NUP93: variants seen among roughly 807,000 people sequenced by gnomAD.
NUP93 encodes the protein nucleoporin 93.
In NUP93, 55 loss-of-function variants were observed where a neutral mutation model predicts 107.8. The observed-to-expected ratio is 0.51, with a 90% CI of 0.41 to 0.64. The LOEUF is 0.64. Among genes scored for constraint, NUP93 ranks in the 30% least tolerant of loss-of-function variants. The probability of loss-of-function intolerance (pLI) is 0.00; values close to 1 mark genes in which losing one functional copy is unlikely to be tolerated. For synonymous variants in NUP93, 390 were observed against 397.5 expected (o/e 0.98, Z 0.22); for missense variants, 937 against 1,044.7 (o/e 0.90, Z 1.42).
At chr16:56,734,951 C>G (rs1372062784) in intron 1 of NUP93, among the ~76,000 whole-genome samples, 1 of 152,188 alleles carries the variant, frequency 6.6e-6, no homozygotes, top group Non-Finnish European at 1.5e-5. Context: ...ACGGCTGTTG[C>G]CCTGCTGAAA....
chr16:56,755,611 C>T (rs1353185616), intron 2 of NUP93, among the ~76,000 whole-genome samples: 1 of 152,154 alleles, frequency 6.6e-6, no homozygotes, highest in East Asian at 1.9e-4. Context: ...CATGGTCGCT[C>T]ACGCCTGTAA....
intron 3 of NUP93, among the ~76,000 whole-genome samples, chr16:56,795,546 C>T (rs1323336484): frequency 6.6e-6 from 1 of 152,208 alleles, no homozygotes; most frequent in African/African-American, 2.4e-5. Context: ...TGCCATTCGC[C>T]ATCCTACCCC....
chr16:56,739,501 G>C, intron 1 of NUP93, among the ~76,000 whole-genome samples: 1 of 110,154 alleles, frequency 9.1e-6, no homozygotes, highest in Non-Finnish European at 1.9e-5. Flanking sequence ...CTCCCGGACG[G>C]GGCGGCTGGC....
chr16:56,731,255 G>T (rs931122067), intron 1 of NUP93, among the ~76,000 whole-genome samples: 3 of 152,026 alleles, frequency 2.0e-5, no homozygotes, highest in Non-Finnish European at 2.9e-5. Flanking sequence ...AATTAAACAT[G>T]CCAAGAGAGG....
intron 1 of NUP93, among the ~76,000 whole-genome samples, chr16:56,744,775 A>G (rs1961794851): frequency 6.6e-6 from 1 of 152,212 alleles, no homozygotes; most frequent in Admixed American, 6.5e-5. Context: ...AATTCATGCC[A>G]TTTAGACTGT....
rs1250337942 is a variant in NUP93 at position 56,847,440 on chromosome 16, G to A, written c.*2831G>A. 1 of 152,184 alleles carries A rather than the reference G, an allele frequency of 6.6e-6. No individual in the cohort carries two copies. The highest frequency in any genetic ancestry group is 1.9e-4 in the East Asian group (1 of 5,204). 9.4% of individuals were successfully genotyped at this position (152,184 alleles called of 1,614,324 possible). A position where few individuals can be genotyped will look rare whatever the true frequency, so the allele number is the denominator to read the frequency against. ...GAGAAACTAAGAGAAAGTGGCACTA[G>A]GCGTCTTGTCTTCCAGATGTGAGAT... On this transcript the variant is annotated 3_prime_UTR_variant, in exon 22 of 22. Coordinates refer to ENST00000308159, the MANE Select transcript of NUP93 (RefSeq NM_014669.5).
chr16:56,768,744 G>A (rs1348349352), intron 3 of NUP93, among the ~76,000 whole-genome samples: 5 of 151,364 alleles, frequency 3.3e-5, no homozygotes, highest in Non-Finnish European at 7.4e-5. Flanking sequence ...GCGGGCGCCT[G>A]TAGTCCCAGC....
chr16:56,755,471 G>A, intron 2 of NUP93, among the ~76,000 whole-genome samples: 1 of 150,606 alleles, frequency 6.6e-6, no homozygotes, highest in Non-Finnish European at 1.5e-5. Context: ...GGAGGTTTGG[G>A]GGGAAATGGG....
At chr16:56,757,943 A>T (rs1962054837) in intron 2 of NUP93, among the ~76,000 whole-genome samples, 1 of 152,102 alleles carries the variant, frequency 6.6e-6, no homozygotes, top group African/African-American at 2.4e-5. Flanking sequence ...GATGGTGGTT[A>T]AGAGTTGTGC....
At position 56,848,855 on chromosome 16, in the gene NUP93, T is replaced by C. The variant is rs1248363553; in HGVS notation, c.*4246T>C. 2.6e-5 allele frequency: 4 copies of C among 152,254 alleles called. No individual in the cohort carries two copies. The highest frequency in any genetic ancestry group is 5.9e-5 in the Non-Finnish European group (4 of 68,042). 9.4% of individuals were successfully genotyped at this position (152,254 alleles called of 1,614,324 possible). A position where few individuals can be genotyped will look rare whatever the true frequency, so the allele number is the denominator to read the frequency against. On this transcript the variant is annotated 3_prime_UTR_variant, in exon 22 of 22. Coordinates refer to ENST00000308159, the MANE Select transcript of NUP93 (RefSeq NM_014669.5). ...TTAAGCACTGATTTGTTCCCAGAGT[T>C]GTGCATAATTCTTTAAAAGTAGGCT... is the stretch of plus-strand genomic sequence containing the variant.
intron 21 of NUP93, among the ~76,000 whole-genome samples, chr16:56,842,077 A>G (rs1322123072): frequency 1.3e-5 from 2 of 152,224 alleles, no homozygotes; most frequent in Non-Finnish European, 2.9e-5. Context: ...TAACAAATCA[A>G]ACAGAATGCT....
intron 3 of NUP93, among the ~76,000 whole-genome samples, chr16:56,763,991 G>C (rs1449372630): frequency 6.6e-6 from 1 of 152,122 alleles, no homozygotes; most frequent in Non-Finnish European, 1.5e-5. Context: ...ATTAGTGTTA[G>C]GGAAACTGAA....
rs998036845 is a variant in NUP93, at chr16:56,840,916, G to C, written c.2221-789G>C. ...AGAGGCTGAGGCACGAGAATCGCTT[G>C]AACCCGGGAAGCAAAGGTTGCAGTG... On this transcript the variant is annotated intron_variant, in intron 20 of 21. Transcript: ENST00000308159. Among the ~76,000 whole-genome samples the C allele has an allele frequency of 3.3e-5, 5 of 151,490 alleles. No individual in the cohort carries two copies. The South Asian group carries it at 1.0e-3, about 31-fold the overall frequency.
chr16:56,798,437 A>G, intron 3 of NUP93, 39 bp from the exon 4 acceptor site: 1 of 1,574,982 alleles, frequency 6.3e-7, no homozygotes. Flanking sequence ...ATTTTTTGAA[A>G]GTTAATTTTA....
chr16:56,734,071 G>A (rs1403910188), intron 1 of NUP93, among the ~76,000 whole-genome samples: 2 of 152,212 alleles, frequency 1.3e-5, no homozygotes, highest in African/African-American at 4.8e-5. Flanking sequence ...ACCAGACAAG[G>A]TTCCCAGACT....
At chr16:56,766,287 C>T (rs1962215347) in intron 3 of NUP93, among the ~76,000 whole-genome samples, 1 of 152,148 alleles carries the variant, frequency 6.6e-6, no homozygotes, top group African/African-American at 2.4e-5. Flanking sequence ...GTGGCTGAAA[C>T]ATTTAACATT....
intron 3 of NUP93, chr16:56,783,469 G>A: frequency 3.0e-6 from 3 of 985,360 alleles, no homozygotes; most frequent in Non-Finnish European, 2.4e-6. Context: ...GCAAAGAATC[G>A]ATTTCTGAGA....
chr16:56,834,474 G>T, intron 15 of NUP93, 32 bp downstream of exon 15: 1 of 1,606,144 alleles, frequency 6.2e-7, no homozygotes, highest in South Asian at 1.1e-5. Context: ...TCCTCCCCAT[G>T]GTTTTCAGTG....
At chr16:56,795,248 T>C (rs1332791569) in intron 3 of NUP93, among the ~76,000 whole-genome samples, 1 of 152,180 alleles carries the variant, frequency 6.6e-6, no homozygotes, top group African/African-American at 2.4e-5. Flanking sequence ...AATAGTTTCA[T>C]AGCTTTGTTT....
Sources: allele counts gnomAD v4.1 joint callset (sites outside exome capture counted in the v4.1 genomes callset), GRCh38; gene constraint gnomAD v4.1.1; transcripts MANE v1.5; gene names NCBI Gene and HGNC (gene_info 2026-07-23, HGNC 2026-07-21).